The following PRRX1 variants were observed in gnomAD, a reference collection of about 807,000 sequenced individuals.
PRRX1 encodes the protein paired mesoderm homeobox protein 1.
PRRX1 carries 8 observed loss-of-function variants against 24.0 expected under a neutral mutation model. The ratio of observed to expected loss-of-function variants is 0.33; its 90% confidence interval spans 0.20 to 0.60. The LOEUF (loss-of-function observed/expected upper bound fraction) is 0.60. Ranked by LOEUF, PRRX1 falls within the 20% of genes least tolerant of loss-of-function variation. The pLI is 0.82. For missense variants in PRRX1, 281 were observed against 322.4 expected (o/e 0.87, Z 0.98); for synonymous variants, 160 against 131.7 (o/e 1.22, Z -1.47).
At chr1:170,726,598 G>A in intron 3 of PRRX1, 197 bp downstream of exon 3, 3 of 619,260 alleles carry the variant, frequency 4.8e-6, no homozygotes, top group Non-Finnish European at 8.3e-6. Context: ...GCAGAAGTGA[G>A]AGGGGCAGGC....
At chr1:170,711,138 T>C (rs914034479) in intron 1 of PRRX1, among the ~76,000 whole-genome samples, 6 of 152,226 alleles carry the variant, frequency 3.9e-5, no homozygotes, top group Non-Finnish European at 8.8e-5. Context: ...ATCAAGCTTC[T>C]TATTTTGACC....
At chr1:170,695,828 C>T (rs1254713444) in intron 1 of PRRX1, among the ~76,000 whole-genome samples, 4 of 69,680 alleles carry the variant, frequency 5.7e-5, no homozygotes. Context: ...TCTTCTTTTC[C>T]TGGGTATGCT....
At chr1:170,727,226 T>C (rs926287817) in intron 3 of PRRX1, 1 of 152,208 alleles carries the variant, frequency 6.6e-6, no homozygotes, top group African/African-American at 2.4e-5. Context: ...TATTTCAATC[T>C]CATAAAGAGG....
intron 3 of PRRX1, chr1:170,730,623 T>C (rs999129255): frequency 2.7e-6 from 1 of 374,620 alleles, no homozygotes. Flanking sequence ...TAATTCCAGG[T>C]TGGAGCTTGG....
chr1:170,708,136 T>C (rs1356906251), intron 1 of PRRX1, among the ~76,000 whole-genome samples: 1 of 152,168 alleles, frequency 6.6e-6, no homozygotes. Flanking sequence ...TTTCAGATGA[T>C]GAGGATTTGG....
chr1:170,682,735 A>G (rs1653596938), intron 1 of PRRX1, among the ~76,000 whole-genome samples: 1 of 152,172 alleles, frequency 6.6e-6, no homozygotes, highest in Non-Finnish European at 1.5e-5. Flanking sequence ...TGAACCTTAT[A>G]TTCTCCTGGG....
intron 1 of PRRX1, among the ~76,000 whole-genome samples, chr1:170,679,646 A>G (rs897614318): frequency 1.1e-4 from 16 of 152,032 alleles, no homozygotes; most frequent in African/African-American, 1.4e-4. Context: ...TGATCCGCCC[A>G]CCTCGGCCTC....
At chr1:170,733,627 CAA>C (rs1655513369) in intron 3 of PRRX1, among the ~76,000 whole-genome samples, 1 of 152,116 alleles carries the variant, frequency 6.6e-6, no homozygotes, top group African/African-American at 2.4e-5. Flanking sequence ...TATGTGTTTA[CAA>C]TTTCACTAAT....
chr1:170,668,555 G>T (rs906089815), intron 1 of PRRX1: 2 of 152,194 alleles, frequency 1.3e-5, no homozygotes, highest in Non-Finnish European at 2.9e-5. Flanking sequence ...GCGGGAAATC[G>T]ATTTGTCACA....
rs947156047 is a variant in PRRX1 at position 170,704,036 on chromosome 1, C to T, written c.242-15690C>T. 1.7e-4 allele frequency among the ~76,000 whole-genome samples: 26 copies of T among 152,146 alleles called. 1 individual carries two copies. Among genetic ancestry groups the T allele is most frequent in the Admixed American group, 1.6e-3 (25 of 15,270 alleles). The stretch of plus-strand genomic sequence containing the variant: ...ATTAAAGGTAAAACTAATCAACTTA[C>T]CCACTGACCATTTTTATTCTGAAAT... On this transcript the variant is annotated intron_variant, in intron 1 of 3. Coordinates refer to ENST00000239461, the MANE Select transcript of PRRX1 (RefSeq NM_022716.4).
rs1421504052 is a variant in PRRX1, at chr1:170,738,291, G to C, written c.*2105G>C. 4.4e-6 allele frequency: 1 copy of C among 225,260 alleles called. No individual in the cohort carries two copies. The highest frequency in any genetic ancestry group is 8.8e-6 in the Non-Finnish European group (1 of 113,020). The allele number at this position is 225,260 out of a possible 1,614,324, so 14.0% of individuals were successfully genotyped here. On this transcript the variant is annotated 3_prime_UTR_variant, in exon 4 of 4. Coordinates refer to ENST00000239461, the MANE Select transcript of PRRX1 (RefSeq NM_022716.4). ...CTTGGCATATCAGATTGAGCTAATG[G>C]TGATGTTATTTCAATCTAACAGCCA...
chr1:170,676,823 G>T (rs1231984325), intron 1 of PRRX1, among the ~76,000 whole-genome samples: 1 of 152,072 alleles, frequency 6.6e-6, no homozygotes, highest in Admixed American at 6.6e-5. Flanking sequence ...GAAGAGTCTG[G>T]CATGCCATTT....
chr1:170,689,742 A>G lies in PRRX1; in HGVS notation c.241+25283A>G, dbSNP rs925502294. On this transcript the variant is annotated intron_variant, in intron 1 of 3. Coordinates refer to ENST00000239461, the MANE Select transcript of PRRX1 (RefSeq NM_022716.4). Reference sequence around the variant, plus strand: ...CGATATGGAGTGAGGTGGGGAGTGCATGGGATACACAGGTTGGGTTGTCAT... The same window carrying G: ...CGATATGGAGTGAGGTGGGGAGTGCGTGGGATACACAGGTTGGGTTGTCAT... Among the ~76,000 whole-genome samples the G allele has an allele frequency of 2.0e-5, 3 of 150,688 alleles. No homozygotes were observed. In the East Asian group the frequency reaches 5.9e-4, roughly 30 times the overall value.
At chr1:170,664,041 T>TC, upstream of PRRX1, 1 of 549,198 alleles carries the variant, frequency 1.8e-6, no homozygotes, top group Non-Finnish European at 2.9e-6. Context: ...CACCCTCTTT[T>TC]CCAATTTTTT....
At chr1:170,676,208 A>G (rs951122282) in intron 1 of PRRX1, among the ~76,000 whole-genome samples, 33 of 152,194 alleles carry the variant, frequency 2.2e-4, no homozygotes, top group Admixed American at 2.1e-3. Context: ...ATAGAAAATA[A>G]TATCACTCCA....
intron 1 of PRRX1, 99 bp from the exon 2 acceptor site, chr1:170,719,627 A>T (rs903671328): frequency 1.6e-5 from 21 of 1,336,450 alleles, no homozygotes; most frequent in Non-Finnish European, 2.0e-5. Flanking sequence ...AGATGTGAGC[A>T]AATGAAGCAA....
intron 3 of PRRX1, among the ~76,000 whole-genome samples, chr1:170,729,535 T>C (rs1027909843): frequency 9.2e-5 from 14 of 152,180 alleles, no homozygotes; most frequent in Non-Finnish European, 1.9e-4. Flanking sequence ...GAGTCATGGA[T>C]GTGTAATTTA....
Position 170,664,169 on chromosome 1 carries a change from T to C in PRRX1, c.-50T>C. Reference sequence around the variant, plus strand: ...CCCCCCTCGCGCCCACAGCGTTTGGTGTTGATTCGAGCGGGAAGAGGGGGG... The same window carrying C: ...CCCCCCTCGCGCCCACAGCGTTTGGCGTTGATTCGAGCGGGAAGAGGGGGG... On this transcript the variant is annotated 5_prime_UTR_variant, in exon 1 of 4. Transcript: ENST00000239461. 6.5e-7 allele frequency: 1 copy of C among 1,549,464 alleles called. No homozygotes were observed. The highest frequency in any genetic ancestry group is 8.7e-7 in the Non-Finnish European group (1 of 1,147,452).
chr1:170,705,935 TACACACACACAC>T (rs71125270), intron 1 of PRRX1, among the ~76,000 whole-genome samples: 4,365 of 146,518 alleles, frequency 0.03, 208 homozygotes, highest in African/African-American at 0.098. Context: ...CACACACACA[TACACACACACAC>T]ACACACACAC....
Sources: allele counts gnomAD v4.1 joint callset (sites outside exome capture counted in the v4.1 genomes callset), GRCh38; gene constraint gnomAD v4.1.1; transcripts MANE v1.5; gene names NCBI Gene and HGNC (gene_info 2026-07-23, HGNC 2026-07-21).